SLC26A5: variants seen among roughly 807,000 people sequenced by gnomAD.
SLC26A5 encodes the protein prestin.
A neutral mutation model predicts 81.0 loss-of-function variants in SLC26A5; 51 were observed. The ratio of observed to expected loss-of-function variants is 0.63; its 90% CI spans 0.50 to 0.80. The LOEUF is 0.80. Among genes scored for constraint, SLC26A5 ranks in the 30% least tolerant of loss-of-function variants. The pLI is 0.00. For missense variants in SLC26A5, 771 were observed against 905.8 expected, an observed-to-expected ratio of 0.85 and a Z score of 1.91; for synonymous variants, 325 against 332.8, an observed-to-expected ratio of 0.98 and a Z score of 0.25.
At chr7:103,390,828 T>C (rs537027160) in intron 11 of SLC26A5, among the ~76,000 whole-genome samples, 1 of 151,376 alleles carries the variant, frequency 6.6e-6, no homozygotes, top group African/African-American at 2.4e-5. Flanking sequence ...GTGTCTGCTG[T>C]CCAATATGGG....
At chr7:103,368,185 T>C in intron 19 of SLC26A5, 2 of 817,992 alleles carry the variant, frequency 2.4e-6, no homozygotes, top group East Asian at 2.8e-5. Flanking sequence ...TCTTGTAATA[T>C]AATAAAAGGT....
At position 103,359,138 on chromosome 7, in the gene SLC26A5, CTTTTTTTTTTTTTTTTT is replaced by C. The variant is rs35936603; in HGVS notation, c.2042-6229_2042-6213del. ...CAGGTGCATACCACCCCATGTCTGG[CTTTTTTTTTTTTTTTTT>C]TTTTTTTTTTTTTTTAATTTTTAGT... is the stretch of plus-strand genomic sequence containing the variant. On this transcript the variant is annotated intron_variant, in intron 19 of 19. Coordinates refer to the SLC26A5 transcript ENST00000339444. Among the ~76,000 whole-genome samples the C allele has an allele frequency of 2.0e-3, 63 of 31,342 alleles. 1 individual carries two copies. Among genetic ancestry groups the C allele is most frequent in the South Asian group, 7.4e-3 (2 of 270 alleles). The allele number at this position is 31,342 out of a possible 152,430, so 20.6% of individuals were successfully genotyped here. A position where few individuals can be genotyped will look rare whatever the true frequency, so the allele number is the denominator to read the frequency against.
chr7:103,435,655 G>C (rs779960351), intron 2 of SLC26A5, among the ~76,000 whole-genome samples: 23 of 152,144 alleles, frequency 1.5e-4, no homozygotes, highest in Non-Finnish European at 3.4e-4. Context: ...ACTATAACTA[G>C]TCCATGAAGA....
intron 19 of SLC26A5, among the ~76,000 whole-genome samples, chr7:103,364,958 C>CATACATATATATATATAT (rs374432802): frequency 4.0e-5 from 5 of 125,490 alleles, no homozygotes; most frequent in African/African-American, 1.5e-4. Context: ...TGTAGACATA[C>CATACATATATATATATAT]ATATATATAT....
intron 2 of SLC26A5, among the ~76,000 whole-genome samples, chr7:103,427,019 C>A (rs761053568): frequency 2.6e-5 from 4 of 151,966 alleles, no homozygotes; most frequent in Non-Finnish European, 2.9e-5. Context: ...AGGTCCATTT[C>A]GCCACAGGCA....
chr7:103,373,184 A>G (rs1821127083), downstream of SLC26A5, among the ~76,000 whole-genome samples: 1 of 152,222 alleles, frequency 6.6e-6, no homozygotes, highest in African/African-American at 2.4e-5. Flanking sequence ...ATTCAATGCC[A>G]AAGGAATACC....
chr7:103,435,772 C>G (rs1826406905), intron 2 of SLC26A5, among the ~76,000 whole-genome samples: 1 of 152,196 alleles, frequency 6.6e-6, no homozygotes. Context: ...CCTTTTTGTA[C>G]AAATTCTTGG....
At chr7:103,362,365 G>A in intron 19 of SLC26A5, 2 of 1,346,812 alleles carry the variant, frequency 1.5e-6, no homozygotes, top group South Asian at 1.7e-5. Context: ...GGTATAGGTT[G>A]GGGGAGTACT....
chr7:103,385,172 T>C (rs1421114273), intron 14 of SLC26A5, among the ~76,000 whole-genome samples: 1 of 152,104 alleles, frequency 6.6e-6, no homozygotes, highest in Admixed American at 6.5e-5. Flanking sequence ...GTTGTTGTTG[T>C]TGTTGTTGAG....
chr7:103,381,701 ACCC>A (rs1459109988), intron 14 of SLC26A5, among the ~76,000 whole-genome samples: 1 of 151,440 alleles, frequency 6.6e-6, no homozygotes, highest in Non-Finnish European at 1.5e-5. Context: ...ATGCATACAT[ACCC>A]CCACTACATG....
intron 2 of SLC26A5, among the ~76,000 whole-genome samples, chr7:103,436,789 C>A (rs369682888): frequency 2.0e-5 from 3 of 152,188 alleles, no homozygotes; most frequent in African/African-American, 4.8e-5. Flanking sequence ...ATGCAAAAAC[C>A]AACTCAAAAT....
chr7:103,384,894 G>A (rs1190423894), intron 14 of SLC26A5, among the ~76,000 whole-genome samples: 1 of 152,016 alleles, frequency 6.6e-6, no homozygotes, highest in African/African-American at 2.4e-5. Context: ...TCATGATTAC[G>A]TGTCTGTCAT....
At chr7:103,412,944 A>T in intron 5 of SLC26A5, 58 bp downstream of exon 5, 1 of 1,250,392 alleles carries the variant, frequency 8.0e-7, no homozygotes, top group East Asian at 2.3e-5. Flanking sequence ...TCTTTGGCAC[A>T]TTGCAAGGTT....
chr7:103,430,367 A>T (rs1280077308), intron 2 of SLC26A5, among the ~76,000 whole-genome samples: 1 of 152,102 alleles, frequency 6.6e-6, no homozygotes, highest in Non-Finnish European at 1.5e-5. Flanking sequence ...GCGTGAGCCA[A>T]CGCGCCCAGC....
intron 2 of SLC26A5, among the ~76,000 whole-genome samples, chr7:103,438,991 C>T (rs1487988539): frequency 1.3e-5 from 2 of 152,230 alleles, no homozygotes; most frequent in Non-Finnish European, 2.9e-5. Context: ...ATAGGTTCAA[C>T]TATGCTCAAC....
chr7:103,375,324 C>T (rs1026275937), intron 19 of SLC26A5, among the ~76,000 whole-genome samples: 3 of 151,846 alleles, frequency 2.0e-5, no homozygotes, highest in East Asian at 1.9e-4. Context: ...TGATGATCAA[C>T]GACATACAAG....
intron 14 of SLC26A5, among the ~76,000 whole-genome samples, chr7:103,387,462 G>A (rs1443570559): frequency 2.0e-5 from 3 of 152,178 alleles, no homozygotes; most frequent in Non-Finnish European, 2.9e-5. Context: ...GTGTTAGAGC[G>A]GGAAGGGCAC....
chr7:103,374,567 C>T lies in SLC26A5; in HGVS notation c.2067G>A (p.Arg689=), dbSNP rs144681475. 8.7e-6 allele frequency: 14 copies of T among 1,613,808 alleles called. No individual in the cohort carries two copies. The African/African-American group carries it at 1.7e-4, about 20-fold the overall frequency. The stretch of plus-strand genomic sequence containing the variant: ...GGGCAGGATTTTCAAAAAATCTATT[C>T]CGAGTGAGGTCATTCACAACTTGTG... ...CSAQVVNDLT[R]NRFFENPALW... Residue 689 remains arginine (R), a synonymous_variant, in exon 20 of 20, where the codon CGG becomes CGA. Transcript: ENST00000306312.
At chr7:103,422,362 T>G (rs1302634821) in intron 2 of SLC26A5, among the ~76,000 whole-genome samples, 1 of 152,178 alleles carries the variant, frequency 6.6e-6, no homozygotes, top group Non-Finnish European at 1.5e-5. Flanking sequence ...ATGTAGTAAT[T>G]AAAAGAAATG....
Sources: gnomAD v4.1 joint callset for allele counts (sites outside exome capture counted in the v4.1 genomes callset) on GRCh38, gnomAD v4.1.1 for gene constraint, MANE v1.5 for transcripts, NCBI Gene and HGNC (gene_info 2026-07-23, HGNC 2026-07-21) for gene names.